RNF146: variants seen among roughly 807,000 people sequenced by gnomAD.
The protein encoded by RNF146 is E3 ubiquitin-protein ligase RNF146.
Under a neutral mutation model 29.7 loss-of-function variants are expected in RNF146, and 11 were observed. The ratio of observed to expected loss-of-function variants is 0.37; its 90% confidence interval spans 0.23 to 0.61. The LOEUF (loss-of-function observed/expected upper bound fraction) is 0.61. RNF146 is among the 20% of genes least tolerant of loss of function. The probability of loss-of-function intolerance (pLI) is 0.66; values close to 1 mark genes in which losing one functional copy is unlikely to be tolerated. For synonymous variants in RNF146, 150 were observed against 159.7 expected (o/e 0.94, Z 0.46); for missense variants, 342 against 438.9 (o/e 0.78, Z 1.97).
intron 1 of RNF146, among the ~76,000 whole-genome samples, chr6:127,270,206 G>T (rs1012625320): frequency 6.6e-6 from 1 of 152,074 alleles, no homozygotes; most frequent in East Asian, 1.9e-4. Context: ...TTATTTGAAT[G>T]GGTCAAGATT....
Position 127,287,430 on chromosome 6 carries a change from C to T in RNF146, c.817C>T (p.Pro273Ser), listed in dbSNP as rs551331305. 1.2e-5 allele frequency: 19 copies of T among 1,613,352 alleles called. No individual in the cohort carries two copies. The highest frequency in any genetic ancestry group is 3.3e-5 in the South Asian group (3 of 91,080). Residue 273 changes from proline to serine, a missense_variant, in exon 3 of 3, where the codon CCA becomes TCA. Physicochemically the swap from Pro to Ser is moderately conservative, Grantham distance 74. This residue lies in a region of RNF146 where 196 missense variants were observed against 208.9 expected (regional missense o/e 0.94). Transcript: ENST00000368314. ...RGEGEEDHES[P>S]SSGRVPAPDT... ...AGAAGGAGAAGAAGATCATGAATCA[C>T]CATCTTCAGGCAGGGTACCAGCACC...
At chr6:127,278,500 A>C (rs917805334) in intron 1 of RNF146, among the ~76,000 whole-genome samples, 1 of 152,068 alleles carries the variant, frequency 6.6e-6, no homozygotes, top group Non-Finnish European at 1.5e-5. Context: ...AGGTTCATCT[A>C]TATTGTAGCA....
At chr6:127,283,987 A>G (rs1312703639) in intron 2 of RNF146, among the ~76,000 whole-genome samples, 1 of 151,752 alleles carries the variant, frequency 6.6e-6, no homozygotes, top group African/African-American at 2.4e-5. Context: ...TAGTTTTGAA[A>G]TTATGTGTTT....
At position 127,286,322 on chromosome 6, in the gene RNF146, C is replaced by A; in HGVS notation, c.3-294C>A. 1.6e-6 allele frequency: 1 copy of A among 631,804 alleles called. No homozygotes were observed. The highest frequency in any genetic ancestry group is 2.4e-6 in the Non-Finnish European group (1 of 425,016). 39.1% of individuals were successfully genotyped at this position (631,804 alleles called of 1,614,324 possible). A position where few individuals can be genotyped will look rare whatever the true frequency, so the allele number is the denominator to read the frequency against. On this transcript the variant is annotated intron_variant, in intron 2 of 2. Transcript: ENST00000368314. This position sits in a 1 kb window ranked among gnomAD's most constrained non-coding sequence, Gnocchi z 4.6. ...CCATGATTCAAGGTATCCTTTTCCC[C>A]TCACTGGATGCAGCTTTTCATTATA...
At chr6:127,275,700 AAAATGG>A (rs1385882153) in intron 1 of RNF146, among the ~76,000 whole-genome samples, 1 of 152,114 alleles carries the variant, frequency 6.6e-6, no homozygotes, top group African/African-American at 2.4e-5. Flanking sequence ...GTAGTCAGAG[AAAATGG>A]TAGAGATAAC....
intron 1 of RNF146, among the ~76,000 whole-genome samples, chr6:127,276,378 G>T (rs1333307574): frequency 1.3e-5 from 2 of 151,966 alleles, no homozygotes; most frequent in African/African-American, 4.8e-5. Flanking sequence ...GTTGGGGTGG[G>T]GGAGCAGGGG....
At chr6:127,272,622 T>G (rs970511802) in intron 1 of RNF146, among the ~76,000 whole-genome samples, 1 of 152,188 alleles carries the variant, frequency 6.6e-6, no homozygotes, top group Non-Finnish European at 1.5e-5. Flanking sequence ...TGGCTAAATC[T>G]CAGCCAAGAA....
chr6:127,280,988 A>C (rs1778844142), intron 2 of RNF146, among the ~76,000 whole-genome samples: 1 of 151,704 alleles, frequency 6.6e-6, no homozygotes, highest in African/African-American at 2.4e-5. Flanking sequence ...ATGCAACTTG[A>C]TGTCATTCAT....
intron 1 of RNF146, 83 bp from the exon 2 acceptor site, chr6:127,280,148 A>C: frequency 1.8e-6 from 1 of 550,944 alleles, no homozygotes; most frequent in South Asian, 2.8e-5. Flanking sequence ...TTTTAAGATA[A>C]AGTTTTCCAC....
rs577007247 is a variant in RNF146, at chr6:127,286,453, C to T, written c.3-163C>T. ...GTAGATGCTTACAAAAAATTTTCAT[C>T]GGTTGGAGAGTTTTTCCTCTACTTT... On this transcript the variant is annotated intron_variant, in intron 2 of 2. Coordinates refer to ENST00000368314, the MANE Select transcript of RNF146 (RefSeq NM_001242850.2). This position sits in a 1 kb window ranked among gnomAD's most constrained non-coding sequence, Gnocchi z 4.6. The T allele has an allele frequency of 2.9e-5, 23 of 792,182 alleles. No homozygotes were observed. The highest frequency in any genetic ancestry group is 1.8e-4 in the South Asian group (9 of 49,282). 49.1% of individuals were successfully genotyped at this position (792,182 alleles called of 1,614,324 possible). A position where few individuals can be genotyped will look rare whatever the true frequency, so the allele number is the denominator to read the frequency against.
At chr6:127,278,057 TAAAAG>T (rs1420384162) in intron 1 of RNF146, among the ~76,000 whole-genome samples, 1 of 152,150 alleles carries the variant, frequency 6.6e-6, no homozygotes, top group African/African-American at 2.4e-5. Context: ...CACATGGAAA[TAAAAG>T]AAGATTGAAG....
intron 1 of RNF146, among the ~76,000 whole-genome samples, chr6:127,271,369 T>G (rs1271819412): frequency 6.6e-6 from 1 of 152,142 alleles, no homozygotes; most frequent in Non-Finnish European, 1.5e-5. Context: ...AGTTAATAGG[T>G]GATGGGTCAG....
intron 1 of RNF146, among the ~76,000 whole-genome samples, chr6:127,271,398 A>G (rs892044500): frequency 6.6e-6 from 1 of 152,194 alleles, no homozygotes; most frequent in Non-Finnish European, 1.5e-5. Context: ...AATTGGGGCT[A>G]CCTAAACCCA....
chr6:127,287,439 GGCA>G lies in RNF146; in HGVS notation c.828_830del (p.Arg277del). On this transcript the variant is annotated inframe_deletion, in exon 3 of 3. Coordinates refer to ENST00000368314, the MANE Select transcript of RNF146 (RefSeq NM_001242850.2). ...AGAAGATCATGAATCACCATCTTCA[GGCA>G]GGGTACCAGCACCAGACACCTCCAT... 6 of 1,613,474 alleles carry G rather than the reference GGCA, an allele frequency of 3.7e-6. No individual in the cohort carries two copies. The highest frequency in any genetic ancestry group is 5.1e-6 in the Non-Finnish European group (6 of 1,179,650).
intron 1 of RNF146, among the ~76,000 whole-genome samples, chr6:127,274,237 A>G (rs1777885486): frequency 6.6e-6 from 1 of 152,126 alleles, no homozygotes; most frequent in African/African-American, 2.4e-5. Flanking sequence ...ATTTGTGGCT[A>G]TAGCTTTATT....
In RNF146 at chr6:127,280,440, T is replaced by C. The variant is rs375178496; in HGVS notation, c.2+100T>C. The stretch of plus-strand genomic sequence containing the variant: ...TATCTGTCATATGTAGTTTTAATTA[T>C]ATTAAATGAGCATTTTCTTTTGACT... On this transcript the variant is annotated intron_variant, in intron 2 of 2. Coordinates refer to ENST00000368314, the MANE Select transcript of RNF146 (RefSeq NM_001242850.2). The C allele has an allele frequency of 9.0e-5, 125 of 1,391,698 alleles. No individual in the cohort carries two copies. In the East Asian group the frequency reaches 2.5e-3, roughly 28 times the overall value. 86.2% of individuals were successfully genotyped at this position (1,391,698 alleles called of 1,614,324 possible).
rs181197431 is a variant in RNF146 at position 127,285,024 on chromosome 6, A to G, written c.3-1592A>G. Among the ~76,000 whole-genome samples, 16 of 152,088 alleles carry G rather than the reference A, an allele frequency of 1.1e-4. 1 individual carries two copies. In the East Asian group the frequency reaches 3.1e-3, roughly 30 times the overall value. On this transcript the variant is annotated intron_variant, in intron 2 of 2. Transcript: ENST00000368314. ...TTTCCATAGGTTAGGAGAAAGTTGT[A>G]CTTTCTTGATGTCTATAACCTAGAA... is the stretch of plus-strand genomic sequence containing the variant.
Position 127,286,898 on chromosome 6 carries a change from G to A in RNF146, c.285G>A (p.Lys95=). 6.2e-7 allele frequency: 1 copy of A among 1,613,248 alleles called. No homozygotes were observed. The highest frequency in any genetic ancestry group is 8.5e-7 in the Non-Finnish European group (1 of 1,179,610). The stretch of plus-strand genomic sequence containing the variant: ...CCTTGTTGTCACCAGAAGAACTCAA[G>A]GCAGCAAGTAGAGGAAATGGTGAAT... ...KPTLLSPEEL[K]AASRGNGEYA... The change falls in exon 3 of 3, where the codon AAG becomes AAA. Residue 95 remains lysine (K), a synonymous_variant. Coordinates refer to ENST00000368314, the MANE Select transcript of RNF146 (RefSeq NM_001242850.2). The surrounding 1 kb of genome is among the most constrained non-coding windows in gnomAD (Gnocchi z 4.6).
At chr6:127,282,898 T>C (rs1779091051) in intron 2 of RNF146, among the ~76,000 whole-genome samples, 1 of 151,822 alleles carries the variant, frequency 6.6e-6, no homozygotes, top group African/African-American at 2.4e-5. Context: ...GTGTCTGTAA[T>C]TGGATTCTAA....
Sources: gnomAD v4.1 joint callset for allele counts (sites outside exome capture counted in the v4.1 genomes callset) on GRCh38, gnomAD v4.1.1 for gene constraint, gnomAD v4.1.1 regional missense constraint, Gnocchi (gnomAD v3.1) non-coding constraint, MANE v1.5 for transcripts, NCBI Gene and HGNC (gene_info 2026-07-23, HGNC 2026-07-21) for gene names.